The following MARCHF1 variants were observed in gnomAD, a reference collection of about 807,000 sequenced individuals.
MARCHF1 encodes the protein membrane associated ring-CH-type finger 1.
MARCHF1 carries 40 observed loss-of-function variants against 54.2 expected under a neutral mutation model. The ratio of observed to expected loss-of-function variants is 0.74; its 90% CI spans 0.57 to 0.96. MARCHF1 has a LOEUF of 0.96. Ranked by LOEUF, MARCHF1 falls within the 40% of genes least tolerant of loss-of-function variation. MARCHF1 has a pLI of 0.00. For synonymous variants in MARCHF1, 236 were observed against 236.3 expected, an observed-to-expected ratio of 1.00 and a Z score of 0.01; for missense variants, 586 against 656.5, an observed-to-expected ratio of 0.89 and a Z score of 1.17.
At chr4:163,625,269 T>C (rs990364030) in intron 5 of MARCHF1, among the ~76,000 whole-genome samples, 2 of 152,238 alleles carry the variant, frequency 1.3e-5, no homozygotes, top group Non-Finnish European at 2.9e-5. Flanking sequence ...ACTTCTACTA[T>C]GGTGTTAATC....
intron 1 of MARCHF1, among the ~76,000 whole-genome samples, chr4:164,287,628 C>T (rs1734184894): frequency 6.6e-6 from 1 of 152,118 alleles, no homozygotes; most frequent in South Asian, 2.1e-4. Flanking sequence ...CACAGTATCT[C>T]TCACTTCAGG....
chr4:164,223,033 T>G (rs1452400453), intron 1 of MARCHF1, among the ~76,000 whole-genome samples: 1 of 151,966 alleles, frequency 6.6e-6, no homozygotes, highest in African/African-American at 2.4e-5. Flanking sequence ...GGAACTACCA[T>G]TTATAAAACC....
intron 1 of MARCHF1, among the ~76,000 whole-genome samples, chr4:164,243,354 C>A (rs1219483832): frequency 6.9e-6 from 1 of 145,174 alleles, no homozygotes; most frequent in African/African-American, 2.6e-5. Flanking sequence ...ATTTTCAACC[C>A]AGAATTTCAT....
chr4:163,820,106 G>T (rs1748650363), intron 4 of MARCHF1, among the ~76,000 whole-genome samples: 1 of 151,984 alleles, frequency 6.6e-6, no homozygotes, highest in African/African-American at 2.4e-5. Flanking sequence ...CTTATAGTCT[G>T]TATTTTCTTT....
chr4:164,108,666 TA>T lies in MARCHF1; in HGVS notation c.-248+2921del, dbSNP rs546638463. On this transcript the variant is annotated intron_variant, in intron 2 of 9. Transcript: ENST00000514618. ...ATTCATTTGATTGAATTTCTTAAAT[TA>T]AAAAAAACTTGGAAAAATATAATGT... 5.7e-4 allele frequency among the ~76,000 whole-genome samples: 86 copies of T among 152,024 alleles called. 1 individual carries two copies. Among genetic ancestry groups the T allele is most frequent in the Non-Finnish European group, 1.1e-3 (73 of 67,916 alleles).
intron 1 of MARCHF1, among the ~76,000 whole-genome samples, chr4:164,327,305 C>G (rs1735309115): frequency 6.6e-6 from 1 of 152,038 alleles, no homozygotes; most frequent in Admixed American, 6.6e-5. Flanking sequence ...AACAGAAACC[C>G]AATTCTAGAT....
At chr4:164,236,526 C>T (rs1030309844) in intron 1 of MARCHF1, among the ~76,000 whole-genome samples, 13 of 151,968 alleles carry the variant, frequency 8.6e-5, no homozygotes, top group Admixed American at 8.5e-4. Context: ...AAAAAACATG[C>T]CACTAAATAG....
chr4:164,070,482 GA>G (rs1754839195), intron 2 of MARCHF1, among the ~76,000 whole-genome samples: 1 of 152,124 alleles, frequency 6.6e-6, no homozygotes, highest in African/African-American at 2.4e-5. Flanking sequence ...GGGGATGTGG[GA>G]AAAGATTCAA....
intron 4 of MARCHF1, among the ~76,000 whole-genome samples, chr4:163,778,614 T>C (rs1430273195): frequency 1.3e-5 from 2 of 152,164 alleles, no homozygotes; most frequent in Non-Finnish European, 2.9e-5. Flanking sequence ...TGTCCATCAA[T>C]GGGTGACTAG....
chr4:163,846,411 G>A lies in MARCHF1; in HGVS notation c.111+7610C>T, dbSNP rs140725315. Among the ~76,000 whole-genome samples the A allele has an allele frequency of 1.4e-3, 209 of 152,218 alleles. 1 individual carries two copies. Among genetic ancestry groups the A allele is most frequent in the African/African-American group, 4.9e-3 (202 of 41,534 alleles). On this transcript the variant is annotated intron_variant, in intron 4 of 9. Transcript: ENST00000514618. ...GAGGCTATGTTTGCGGGGCAATTCT[G>A]GTCCATTTGCTGTAGGTGGATGTAT... is the stretch of plus-strand genomic sequence containing the variant.
At chr4:163,613,663 T>C in intron 5 of MARCHF1, 1 of 1,373,450 alleles carries the variant, frequency 7.3e-7, no homozygotes. Context: ...CTATTCTATT[T>C]ACTGTAATCA....
chr4:164,197,168 C>G (rs752255903), intron 1 of MARCHF1: 2 of 1,608,418 alleles, frequency 1.2e-6, no homozygotes, highest in South Asian at 1.1e-5. Context: ...TCATCTTCCA[C>G]TACCTGAGCA....
rs1015188527 is a variant in MARCHF1, at chr4:164,217,523, T to C, written c.-322-105861A>G. On this transcript the variant is annotated intron_variant, in intron 1 of 9. Coordinates refer to ENST00000514618, the MANE Select transcript of MARCHF1 (RefSeq NM_001394959.1). ...CCAATTAGGGAGGGAAGATAATTTT[T>C]CCCCCAAAACCAGTCATTTTAATCA... Among the ~76,000 whole-genome samples, 6 of 152,190 alleles carry C rather than the reference T, an allele frequency of 3.9e-5. No individual in the cohort carries two copies. In the South Asian group the frequency reaches 6.2e-4, roughly 16 times the overall value.
At chr4:164,195,859 C>T (rs1731241191) in intron 1 of MARCHF1, among the ~76,000 whole-genome samples, 1 of 151,266 alleles carries the variant, frequency 6.6e-6, no homozygotes, top group Admixed American at 6.6e-5. Flanking sequence ...TATTTTTATA[C>T]ATGATATTAG....
intron 9 of MARCHF1, among the ~76,000 whole-genome samples, chr4:163,531,299 T>G (rs1738341925): frequency 6.6e-6 from 1 of 151,936 alleles, no homozygotes; most frequent in African/African-American, 2.4e-5. Context: ...AATAGAGATT[T>G]ATTCTAGGTA....
chr4:163,906,253 G>T (rs1751064423), intron 3 of MARCHF1, among the ~76,000 whole-genome samples: 1 of 151,924 alleles, frequency 6.6e-6, no homozygotes, highest in African/African-American at 2.4e-5. Context: ...TGCTCACAGA[G>T]AATTAAGCAT....
intron 1 of MARCHF1, among the ~76,000 whole-genome samples, chr4:164,213,462 C>T (rs1422051307): frequency 6.6e-6 from 1 of 151,756 alleles, no homozygotes; most frequent in Admixed American, 6.6e-5. Flanking sequence ...GTCTCAATCT[C>T]CTGACCTCAT....
chr4:164,165,923 G>C (rs1236892987), intron 1 of MARCHF1, among the ~76,000 whole-genome samples: 3 of 151,970 alleles, frequency 2.0e-5, no homozygotes, highest in African/African-American at 7.2e-5. Flanking sequence ...AATGAAAGAG[G>C]AGTGAAATGC....
intron 5 of MARCHF1, among the ~76,000 whole-genome samples, chr4:163,688,098 T>G (rs754038106): frequency 1.3e-5 from 2 of 151,662 alleles, no homozygotes; most frequent in Non-Finnish European, 2.9e-5. Context: ...GTAGGACACA[T>G]GGAAACAGCT....
Sources: allele counts gnomAD v4.1 joint callset (sites outside exome capture counted in the v4.1 genomes callset), GRCh38; gene constraint gnomAD v4.1.1; transcripts MANE v1.5; gene names NCBI Gene and HGNC (gene_info 2026-07-23, HGNC 2026-07-21).